Variants in AFTPH observed in about 807,000 individuals in gnomAD.
AFTPH encodes the protein aftiphilin, also known as aftiphilin protein.
AFTPH carries 7 observed loss-of-function variants against 72.5 expected under a neutral mutation model. That is an observed-to-expected ratio of 0.10 (90% confidence interval 0.05 to 0.18). AFTPH has a LOEUF of 0.18. Among genes scored for constraint, AFTPH ranks in the 10% least tolerant of loss-of-function variants. AFTPH has a pLI of 1.00. For synonymous variants in AFTPH, 337 were observed against 370.1 expected (o/e 0.91, Z 1.03); for missense variants, 979 against 1,060.5 (o/e 0.92, Z 1.07).
intron 6 of AFTPH, among the ~76,000 whole-genome samples, chr2:64,575,511 G>A (rs1672710331): frequency 6.6e-6 from 1 of 152,016 alleles, no homozygotes; most frequent in African/African-American, 2.4e-5. Flanking sequence ...CAGCCTCTAA[G>A]GAGGCTGAGG....
In AFTPH at chr2:64,552,847, A is replaced by G. The variant is rs764935418; in HGVS notation, c.1373A>G (p.Asp458Gly). Residue 458 changes from aspartate (D) to glycine (G), a missense_variant, in exon 2 of 9, where the codon GAT (aspartate) becomes GGT (glycine). Physicochemically the swap from Asp to Gly is moderately conservative, Grantham distance 94. This residue lies in a region of AFTPH where 498 missense variants were observed against 467.6 expected (regional missense o/e 1.06). Transcript: ENST00000238856. ...ACTGGTACTCAAGATTCAATGAGTG[A>G]TGCCACTTTTGAAGAGTCTTCAGAG... The G allele has an allele frequency of 1.9e-6, 3 of 1,614,088 alleles. No individual in the cohort carries two copies. The South Asian group carries it at 3.3e-5, about 18-fold the overall frequency.
In AFTPH at chr2:64,551,025, T is replaced by C. The variant is rs72888891; in HGVS notation, c.-32-418T>C. ...TAAAATTTTGATGCCTTTATTAATATAAAGAACTCATACAAATCCATAAGG... is the reference window on the plus strand; with the variant it reads ...TAAAATTTTGATGCCTTTATTAATACAAAGAACTCATACAAATCCATAAGG... On this transcript the variant is annotated intron_variant, in intron 1 of 8. Coordinates refer to ENST00000238856, the Ensembl canonical transcript of AFTPH. Among the ~76,000 whole-genome samples, 1,428 of 152,302 alleles carry C rather than the reference T, an allele frequency of 9.4e-3. 30 individuals are homozygous for C. Among genetic ancestry groups the C allele is most frequent in the African/African-American group, 0.032 (1,349 of 41,556 alleles).
exon 2 of AFTPH, chr2:64,552,291 C>T (rs762990474): frequency 6.2e-7 from 1 of 1,614,058 alleles, no homozygotes; most frequent in Non-Finnish European, 8.5e-7. Context: ...AGTCAATGAA[C>T]TGAATTCTGT....
chr2:64,580,728 G>A (rs1055515908), intron 7 of AFTPH: 1 of 153,034 alleles, frequency 6.5e-6, no homozygotes, highest in African/African-American at 2.4e-5. Flanking sequence ...ATTGGTGCGT[G>A]TCCTGAAACT....
At chr2:64,578,667 C>T (rs982754509) in intron 6 of AFTPH, among the ~76,000 whole-genome samples, 4 of 152,010 alleles carry the variant, frequency 2.6e-5, no homozygotes, top group Admixed American at 6.6e-5. Flanking sequence ...AAGCAATTCT[C>T]CTGCCTCAGC....
At chr2:64,536,050 T>A (rs558178642) in intron 1 of AFTPH, among the ~76,000 whole-genome samples, 1 of 152,274 alleles carries the variant, frequency 6.6e-6, no homozygotes, top group South Asian at 2.1e-4. Flanking sequence ...AGACTTAGAA[T>A]TTAGAATATA....
chr2:64,545,097 A>G (rs1469291328), intron 1 of AFTPH, among the ~76,000 whole-genome samples: 1 of 152,186 alleles, frequency 6.6e-6, no homozygotes, highest in Non-Finnish European at 1.5e-5. Flanking sequence ...TTGTGAACCA[A>G]TAAATTATTT....
chr2:64,524,650 GA>G (rs1669134957), intron 1 of AFTPH, 38 bp downstream of exon 1: 2 of 396,584 alleles, frequency 5.0e-6, no homozygotes, highest in African/African-American at 4.1e-5. Context: ...CTGCGCCGGG[GA>G]AAGAGGGTGC....
intron 7 of AFTPH, chr2:64,580,360 A>C (rs1673117098): frequency 6.5e-6 from 1 of 152,694 alleles, no homozygotes; most frequent in Non-Finnish European, 1.5e-5. Context: ...GCTTGGCCTT[A>C]TAGTGGGGTC....
chr2:64,577,533 C>G (rs1672897888), intron 6 of AFTPH, among the ~76,000 whole-genome samples: 2 of 152,156 alleles, frequency 1.3e-5, no homozygotes, highest in African/African-American at 4.8e-5. Flanking sequence ...AGAACTTGCT[C>G]CATTTATTCA....
chr2:64,530,787 T>A (rs1418804325), intron 1 of AFTPH, among the ~76,000 whole-genome samples: 3 of 151,888 alleles, frequency 2.0e-5, no homozygotes, highest in Admixed American at 6.6e-5. Context: ...TTTGGCTGGG[T>A]GTGGTGGCTC....
At chr2:64,543,550 A>G (rs578017766) in intron 1 of AFTPH, among the ~76,000 whole-genome samples, 1 of 152,306 alleles carries the variant, frequency 6.6e-6, no homozygotes, top group East Asian at 1.9e-4. Context: ...TTATTTCTGT[A>G]TAAGATGTTA....
exon 1 of AFTPH, chr2:64,524,510 G>A (rs1397314034): frequency 2.5e-6 from 1 of 399,728 alleles, no homozygotes; most frequent in Non-Finnish European, 4.4e-6. Flanking sequence ...CCGGCCTTCC[G>A]CTCTCACCAG....
chr2:64,576,111 ACACACACG>A (rs1424657922), intron 6 of AFTPH, among the ~76,000 whole-genome samples: 183 of 124,264 alleles, frequency 1.5e-3, no homozygotes, highest in African/African-American at 7.3e-3. Flanking sequence ...ACACACACAC[ACACACACG>A]TGTGTCATAC....
chr2:64,535,917 C>A (rs774854485), intron 1 of AFTPH, among the ~76,000 whole-genome samples: 18 of 152,070 alleles, frequency 1.2e-4, no homozygotes, highest in Non-Finnish European at 2.6e-4. Context: ...AATAATGAGG[C>A]CCTGACAAGG....
At position 64,561,870 on chromosome 2, in the gene AFTPH, A is replaced by G. The variant is rs377399300; in HGVS notation, c.1936-5692A>G. Among the ~76,000 whole-genome samples the G allele has an allele frequency of 1.2e-4, 18 of 152,358 alleles. No individual in the cohort carries two copies. In the East Asian group the frequency reaches 1.7e-3, roughly 15 times the overall value. On this transcript the variant is annotated intron_variant, in intron 2 of 8. Coordinates refer to ENST00000238856, the Ensembl canonical transcript of AFTPH. Reference sequence around the variant, plus strand: ...TGAAAACAATGAATTGTAGTGTTAGATGAAATCATTTGCTTTAAGCATAGT... The same window carrying G: ...TGAAAACAATGAATTGTAGTGTTAGGTGAAATCATTTGCTTTAAGCATAGT...
chr2:64,548,044 G>GC (rs1320588327), intron 1 of AFTPH, among the ~76,000 whole-genome samples: 4 of 146,914 alleles, frequency 2.7e-5, no homozygotes, highest in Admixed American at 2.7e-4. Flanking sequence ...ACCCTCCTCA[G>GC]CCCCCCAAAG....
exon 2 of AFTPH, chr2:64,552,331 A>G (rs1671100259): frequency 6.2e-7 from 1 of 1,614,152 alleles, no homozygotes; most frequent in South Asian, 1.1e-5. Flanking sequence ...AGAAGCTTGG[A>G]TAACAAAGGA....
chr2:64,592,050 A>G, exon 9 of AFTPH: 2 of 1,610,506 alleles, frequency 1.2e-6, no homozygotes, highest in Non-Finnish European at 1.7e-6. Flanking sequence ...TGTGAATTGG[A>G]CAGTTTCTAT....
Sources: allele counts gnomAD v4.1 joint callset (sites outside exome capture counted in the v4.1 genomes callset), GRCh38; gene constraint gnomAD v4.1.1; regional missense constraint gnomAD v4.1.1; transcripts MANE v1.5; gene names NCBI Gene and HGNC (gene_info 2026-07-23, HGNC 2026-07-21).